The following ARHGAP26 variants were observed in gnomAD, a reference collection of about 807,000 sequenced individuals.
ARHGAP26 encodes rho GTPase-activating protein 26.
A neutral mutation model predicts 104.8 loss-of-function variants in ARHGAP26; 38 were observed. The ratio of observed to expected loss-of-function variants is 0.36; its 90% CI spans 0.28 to 0.48. ARHGAP26 has a LOEUF of 0.48. Ranked by LOEUF, ARHGAP26 falls within the 20% of genes least tolerant of loss-of-function variation. The probability of loss-of-function intolerance (pLI) is 0.99; values close to 1 mark genes in which losing one functional copy is unlikely to be tolerated. For synonymous variants in ARHGAP26, 341 were observed against 340.0 expected (o/e 1.00, Z -0.03); for missense variants, 704 against 947.9 (o/e 0.74, Z 3.38).
intron 4 of ARHGAP26, 21 bp downstream of exon 4, chr5:142,879,466 G>T (rs772852766): frequency 6.2e-7 from 1 of 1,603,434 alleles, no homozygotes; most frequent in Non-Finnish European, 8.5e-7. Context: ...TGCAAGCTTT[G>T]GTCTGGATTT....
intron 20 of ARHGAP26, among the ~76,000 whole-genome samples, chr5:143,183,334 G>A (rs1804670003): frequency 1.3e-5 from 2 of 152,144 alleles, no homozygotes; most frequent in African/African-American, 4.8e-5. Flanking sequence ...GGGGCTAATG[G>A]TAGGACCTGC....
At chr5:142,797,129 A>G (rs1164548144) in intron 1 of ARHGAP26, among the ~76,000 whole-genome samples, 1 of 152,252 alleles carries the variant, frequency 6.6e-6, no homozygotes, top group East Asian at 1.9e-4. Context: ...TAGTGACATA[A>G]TCAAAGCTTT....
intron 10 of ARHGAP26, among the ~76,000 whole-genome samples, chr5:142,920,725 A>G (rs1763085923): frequency 6.6e-6 from 1 of 152,192 alleles, no homozygotes; most frequent in African/African-American, 2.4e-5. Context: ...AGTTGTAATA[A>G]GGGATAAGGC....
intron 17 of ARHGAP26, among the ~76,000 whole-genome samples, chr5:143,079,552 G>A (rs577164106): frequency 1.3e-5 from 2 of 152,144 alleles, no homozygotes; most frequent in Non-Finnish European, 2.9e-5. Context: ...TGCCAGACAC[G>A]GGACAACCAG....
intron 1 of ARHGAP26, among the ~76,000 whole-genome samples, chr5:142,805,245 A>C (rs997141407): frequency 2.2e-4 from 33 of 151,404 alleles, no homozygotes; most frequent in African/African-American, 6.8e-4. Flanking sequence ...TGGGATTACA[A>C]GCATGTGCCA....
At chr5:142,847,408 A>G (rs1399271773) in intron 1 of ARHGAP26, among the ~76,000 whole-genome samples, 1 of 150,848 alleles carries the variant, frequency 6.6e-6, no homozygotes, top group Non-Finnish European at 1.5e-5. Flanking sequence ...CCCGGGCTGG[A>G]GTGCAATGGC....
intron 11 of ARHGAP26, among the ~76,000 whole-genome samples, chr5:142,939,963 C>T (rs1462555856): frequency 1.3e-5 from 2 of 152,254 alleles, no homozygotes; most frequent in Non-Finnish European, 2.9e-5. Flanking sequence ...ACTTGATTCA[C>T]TTAGCTCAAG....
intron 11 of ARHGAP26, among the ~76,000 whole-genome samples, chr5:143,007,896 C>A (rs1223097012): frequency 1.3e-5 from 2 of 152,222 alleles, no homozygotes; most frequent in African/African-American, 4.8e-5. Context: ...CCTTTCCCTT[C>A]ATCTCTTAAT....
intron 1 of ARHGAP26, among the ~76,000 whole-genome samples, chr5:142,841,710 C>A (rs919666689): frequency 6.6e-6 from 1 of 152,218 alleles, no homozygotes; most frequent in Non-Finnish European, 1.5e-5. Context: ...TGTTGGAGGG[C>A]AGTTGCTAAG....
intron 11 of ARHGAP26, among the ~76,000 whole-genome samples, chr5:142,968,436 A>G (rs1483922085): frequency 6.6e-6 from 1 of 152,180 alleles, no homozygotes; most frequent in Non-Finnish European, 1.5e-5. Flanking sequence ...TTTTTGTATG[A>G]TATATTTCAA....
chr5:143,031,772 G>T (rs569500365), intron 12 of ARHGAP26, among the ~76,000 whole-genome samples: 1 of 152,142 alleles, frequency 6.6e-6, no homozygotes, highest in East Asian at 1.9e-4. Context: ...CCAGGCTGGA[G>T]TGCAGTGGTG....
intron 1 of ARHGAP26, chr5:142,771,182 T>TGGGCGTGGGC: frequency 7.8e-6 from 10 of 1,284,478 alleles, no homozygotes; most frequent in Non-Finnish European, 9.8e-6. Flanking sequence ...GCAGCGCGGG[T>TGGGCGTGGGC]GGGCGTGGGC....
At chr5:143,050,432 C>T (rs1784848816) in intron 14 of ARHGAP26, among the ~76,000 whole-genome samples, 2 of 151,922 alleles carry the variant, frequency 1.3e-5, no homozygotes. Context: ...TGCTGTAAAG[C>T]ACGGAATTAT....
intron 19 of ARHGAP26, among the ~76,000 whole-genome samples, chr5:143,140,760 A>T (rs1798421270): frequency 6.6e-6 from 1 of 152,120 alleles, no homozygotes; most frequent in African/African-American, 2.4e-5. Flanking sequence ...GGGTGGGGGC[A>T]GGAGTGGATT....
Position 142,899,638 on chromosome 5 carries a change from G to A in ARHGAP26, c.598-2297G>A, listed in dbSNP as rs145302017. 4.3e-4 allele frequency among the ~76,000 whole-genome samples: 65 copies of A among 152,180 alleles called. 1 individual carries two copies. The highest frequency in any genetic ancestry group is 1.4e-3 in the African/African-American group (60 of 41,528). On this transcript the variant is annotated intron_variant, in intron 6 of 22. Coordinates refer to ENST00000645722, the MANE Select transcript of ARHGAP26 (RefSeq NM_001135608.3). ...ACAGCTCCCCCATCTCTGGAGTCCC[G>A]TGGGCTTCATCCTGCCCCCTGAGGA...
chr5:142,957,685 G>T (rs879523175), intron 11 of ARHGAP26, among the ~76,000 whole-genome samples: 10 of 152,268 alleles, frequency 6.6e-5, no homozygotes, highest in Non-Finnish European at 8.8e-5. Flanking sequence ...GCCTCTTCTC[G>T]CATTGCAGTG....
rs2151436875 is a variant in ARHGAP26, at chr5:143,222,531, A to C, written c.*85A>C. On this transcript the variant is annotated 3_prime_UTR_variant, in exon 23 of 23. Coordinates refer to ENST00000645722, the MANE Select transcript of ARHGAP26 (RefSeq NM_001135608.3). ...AGTGTCGAGGCCATTTCTCTTTGCC[A>C]CTGAGAAATGCAGCGTGACTGACTC... The C allele has an allele frequency of 8.8e-7, 1 of 1,132,214 alleles. No homozygotes were observed. Among genetic ancestry groups the C allele is most frequent in the South Asian group, 1.9e-5 (1 of 52,864 alleles). The allele number at this position is 1,132,214 out of a possible 1,614,324, so 70.1% of individuals were successfully genotyped here.
chr5:143,218,225 T>C (rs1411062581), intron 22 of ARHGAP26, among the ~76,000 whole-genome samples: 2 of 152,222 alleles, frequency 1.3e-5, no homozygotes, highest in African/African-American at 4.8e-5. Flanking sequence ...TCTAAAATCA[T>C]GCCCAGCTTT....
intron 17 of ARHGAP26, among the ~76,000 whole-genome samples, chr5:143,099,408 G>C (rs887647839): frequency 6.6e-6 from 1 of 152,176 alleles, no homozygotes; most frequent in Non-Finnish European, 1.5e-5. Context: ...GACCACTTGT[G>C]GGGTGGAAGA....
Sources: allele counts gnomAD v4.1 joint callset (sites outside exome capture counted in the v4.1 genomes callset), GRCh38; gene constraint gnomAD v4.1.1; transcripts MANE v1.5; gene names NCBI Gene and HGNC (gene_info 2026-07-23, HGNC 2026-07-21).